Variants in CARMIL1 observed in about 807,000 individuals in gnomAD.
CARMIL1 encodes capping protein regulator and myosin 1 linker 1.
Under a neutral mutation model 177.1 loss-of-function variants are expected in CARMIL1, and 90 were observed. The ratio of observed to expected loss-of-function variants is 0.51; its 90% confidence interval spans 0.43 to 0.61. The LOEUF (loss-of-function observed/expected upper bound fraction) is 0.61, where lower values mean the gene tolerates loss of function less well. CARMIL1 is among the 20% of genes least tolerant of loss of function. The probability of loss-of-function intolerance (pLI) is 0.00; values close to 1 mark genes in which losing one functional copy is unlikely to be tolerated. For missense variants in CARMIL1, 1,380 were observed against 1,667.0 expected (o/e 0.83, Z 3.00); for synonymous variants, 577 against 606.2 (o/e 0.95, Z 0.71).
intron 2 of CARMIL1, among the ~76,000 whole-genome samples, chr6:25,391,458 A>AT (rs771987305): frequency 1.3e-4 from 20 of 152,086 alleles, no homozygotes; most frequent in Non-Finnish European, 2.5e-4. Context: ...AGAGCCTCAG[A>AT]TTTTTTATCT....
rs532062636 is a variant in CARMIL1, at chr6:25,569,823, G to A, written c.2743-11101G>A. ...TTTCATTTTAACATGGATTTTCCAA[G>A]ATTGCGACTTAAAATACCTCAAGTT... On this transcript the variant is annotated intron_variant, in intron 29 of 36. Transcript: ENST00000329474. 4.1e-4 allele frequency among the ~76,000 whole-genome samples: 63 copies of A among 152,090 alleles called. No homozygotes were observed. The South Asian group carries it at 0.013, about 31-fold the overall frequency.
At chr6:25,447,799 T>G (rs570667972) in intron 5 of CARMIL1, among the ~76,000 whole-genome samples, 1 of 152,144 alleles carries the variant, frequency 6.6e-6, no homozygotes, top group Non-Finnish European at 1.5e-5. Flanking sequence ...GCCTCCAGAC[T>G]GGGGGTGGCT....
intron 36 of CARMIL1, among the ~76,000 whole-genome samples, chr6:25,611,197 A>G (rs540693108): frequency 2.6e-5 from 4 of 152,330 alleles, no homozygotes; most frequent in African/African-American, 9.6e-5. Flanking sequence ...TCCATCCTAC[A>G]GATTTATTTG....
chr6:25,293,169 A>G (rs1301367757), intron 2 of CARMIL1, among the ~76,000 whole-genome samples: 1 of 150,748 alleles, frequency 6.6e-6, no homozygotes, highest in Non-Finnish European at 1.5e-5. Flanking sequence ...CTAAATCTTT[A>G]CGTTACTGTG....
At chr6:25,541,039 T>C (rs1280570809) in intron 26 of CARMIL1, among the ~76,000 whole-genome samples, 1 of 152,178 alleles carries the variant, frequency 6.6e-6, no homozygotes, top group Non-Finnish European at 1.5e-5. Flanking sequence ...AAAAGGACTG[T>C]GGATGGTAGA....
chr6:25,592,639 C>T (rs1036976500), intron 31 of CARMIL1, among the ~76,000 whole-genome samples: 4 of 152,168 alleles, frequency 2.6e-5, no homozygotes, highest in East Asian at 1.9e-4. Flanking sequence ...AGTTCATTTT[C>T]GTAATGAGAG....
chr6:25,314,343 C>T (rs1200225612), intron 2 of CARMIL1, among the ~76,000 whole-genome samples: 3 of 147,272 alleles, frequency 2.0e-5, no homozygotes, highest in African/African-American at 5.0e-5. Flanking sequence ...TGTGGTGGCA[C>T]GTGCCTGTAG....
chr6:25,547,004 G>A (rs886782398), intron 26 of CARMIL1, among the ~76,000 whole-genome samples: 45 of 151,972 alleles, frequency 3.0e-4, no homozygotes, highest in African/African-American at 9.7e-4. Flanking sequence ...GCAGAGAGCC[G>A]AGATCACGGC....
intron 2 of CARMIL1, among the ~76,000 whole-genome samples, chr6:25,333,510 G>A (rs763838342): frequency 7.2e-5 from 11 of 152,228 alleles, no homozygotes; most frequent in Non-Finnish European, 1.3e-4. Context: ...AGGCTCCTGT[G>A]AGCCAAGATT....
chr6:25,430,471 T>G (rs9467513), intron 4 of CARMIL1, among the ~76,000 whole-genome samples: 3,102 of 150,970 alleles, frequency 0.021, 84 homozygotes, highest in African/African-American at 0.057. Flanking sequence ...GCACTGTTGC[T>G]CAGGCAGGAG....
Position 25,515,716 on chromosome 6 carries a change from T to G in CARMIL1, c.1674T>G (p.Thr558=). Residue 558 remains threonine, a synonymous_variant, in exon 21 of 37, where the codon ACT becomes ACG. Coordinates refer to ENST00000329474, the MANE Select transcript of CARMIL1 (RefSeq NM_017640.6). The surrounding 1 kb of genome is among the most constrained non-coding windows in gnomAD (Gnocchi z 5.0). ...SLSLADSKLK[T]EVTIIINALG... ...CCCTGGCTGACTCGAAACTCAAGAC[T>G]GAGGTCACCATCATCATCAATGCCC... The G allele has an allele frequency of 6.2e-7, 1 of 1,609,484 alleles. No individual in the cohort carries two copies. The highest frequency in any genetic ancestry group is 8.5e-7 in the Non-Finnish European group (1 of 1,178,174).
At position 25,554,024 on chromosome 6, in the gene CARMIL1, A is replaced by G; in HGVS notation, c.2520A>G (p.Thr840=). ...TTTCACACAGTGAAGTAAAATTGAC[A>G]GTGGCCTCGTTCCTGTCTGATAGAA... ...ILNKISEVKL[T]VASFLSDRIV... is the part of the protein sequence containing the mutation. The change falls in exon 28 of 37, where the codon ACA becomes ACG. Residue 840 remains threonine, a synonymous_variant. Coordinates refer to ENST00000329474, the MANE Select transcript of CARMIL1 (RefSeq NM_017640.6). This position sits in a 1 kb window ranked among gnomAD's most constrained non-coding sequence, Gnocchi z 4.6. The G allele has an allele frequency of 7.5e-6, 12 of 1,599,462 alleles. No individual in the cohort carries two copies. Among genetic ancestry groups the G allele is most frequent in the Non-Finnish European group, 1.0e-5 (12 of 1,172,370 alleles).
intron 20 of CARMIL1, among the ~76,000 whole-genome samples, chr6:25,513,173 C>T (rs1051189749): frequency 3.3e-5 from 5 of 152,060 alleles, no homozygotes; most frequent in South Asian, 4.2e-4. Context: ...ATATCATTTT[C>T]GTAGTAATTG....
chr6:25,388,751 C>G lies in CARMIL1; in HGVS notation c.139-31363C>G, dbSNP rs551157259. On this transcript the variant is annotated intron_variant, in intron 2 of 36. Coordinates refer to ENST00000329474, the MANE Select transcript of CARMIL1 (RefSeq NM_017640.6). ...ATGGCATGATCATAGCTCACTGCAG[C>G]CTGCAACTCCTGGGCTCAAACAATC... Among the ~76,000 whole-genome samples, 3 of 152,200 alleles carry G rather than the reference C, an allele frequency of 2.0e-5. No homozygotes were observed. In the South Asian group the frequency reaches 6.2e-4, roughly 32 times the overall value.
intron 26 of CARMIL1, 138 bp from the exon 27 acceptor site, chr6:25,550,772 T>G: frequency 1.4e-6 from 1 of 705,864 alleles, no homozygotes; most frequent in Non-Finnish European, 2.4e-6. Flanking sequence ...AGCTCAGAAT[T>G]CTTGGTTGCG....
chr6:25,325,244 A>G (rs1784977121), intron 2 of CARMIL1, among the ~76,000 whole-genome samples: 1 of 152,142 alleles, frequency 6.6e-6, no homozygotes, highest in African/African-American at 2.4e-5. Flanking sequence ...AATTCATTGA[A>G]ACTTGAATAC....
In CARMIL1 at chr6:25,472,536, T is replaced by C. The variant is rs1801181516; in HGVS notation, c.874+15T>C. ...GGAGGATAGAGGTACTGCAGAGTTC[T>C]CATTATCATTGATGCCAGAATTGTA... On this transcript the variant is annotated intron_variant, in intron 11 of 36. Transcript: ENST00000329474. The C allele has an allele frequency of 1.9e-6, 3 of 1,538,922 alleles. No individual in the cohort carries two copies. The highest frequency in any genetic ancestry group is 2.7e-6 in the Non-Finnish European group (3 of 1,131,898).
chr6:25,310,941 G>A (rs1404902014), intron 2 of CARMIL1, among the ~76,000 whole-genome samples: 1 of 152,156 alleles, frequency 6.6e-6, no homozygotes, highest in East Asian at 1.9e-4. Context: ...GCCGGGTGCG[G>A]TGGCCAAGGT....
chr6:25,502,063 A>T (rs776630828), intron 17 of CARMIL1, among the ~76,000 whole-genome samples: 1 of 151,438 alleles, frequency 6.6e-6, no homozygotes, highest in South Asian at 2.1e-4. Context: ...GAATTTTCAT[A>T]TGCAGATTAA....
Sources: allele counts gnomAD v4.1 joint callset (sites outside exome capture counted in the v4.1 genomes callset), GRCh38; gene constraint gnomAD v4.1.1; non-coding constraint Gnocchi (gnomAD v3.1); transcripts MANE v1.5; gene names NCBI Gene and HGNC (gene_info 2026-07-23, HGNC 2026-07-21).